SGCZ: variants seen among roughly 807,000 people sequenced by gnomAD.
SGCZ encodes the protein zeta-sarcoglycan.
A neutral mutation model predicts 41.3 loss-of-function variants in SGCZ; 40 were observed. The ratio of observed to expected loss-of-function variants is 0.97; its 90% CI spans 0.75 to 1.26. SGCZ has a LOEUF of 1.26. Among genes scored for constraint, SGCZ ranks in the 50% most tolerant of loss-of-function variants. SGCZ has a pLI of 0.00. For synonymous variants in SGCZ, 206 were observed against 137.5 expected (o/e 1.50, Z -3.49); for missense variants, 552 against 369.8 (o/e 1.49, Z -4.04).
At chr8:14,262,666 C>G (rs975693616) in intron 3 of SGCZ, among the ~76,000 whole-genome samples, 5 of 151,532 alleles carry the variant, frequency 3.3e-5, no homozygotes, top group African/African-American at 1.2e-4. Context: ...CTTTTATTGT[C>G]ATCGAGCTTT....
chr8:14,621,582 A>G (rs1373547641), intron 1 of SGCZ, among the ~76,000 whole-genome samples: 2 of 152,170 alleles, frequency 1.3e-5, no homozygotes, highest in African/African-American at 2.4e-5. Flanking sequence ...CATGACCGGA[A>G]CGCCTCAAGA....
At chr8:14,875,066 G>A (rs911714463) in intron 1 of SGCZ, among the ~76,000 whole-genome samples, 1 of 152,140 alleles carries the variant, frequency 6.6e-6, no homozygotes, top group African/African-American at 2.4e-5. Context: ...TGGAGACCAG[G>A]TTATTTATAA....
chr8:14,579,253 C>A (rs1804809437), intron 1 of SGCZ, among the ~76,000 whole-genome samples: 1 of 152,108 alleles, frequency 6.6e-6, no homozygotes, highest in Non-Finnish European at 1.5e-5. Context: ...GTTACTCTAT[C>A]AAGATACAAA....
chr8:14,170,554 C>G (rs1320160825), intron 4 of SGCZ, among the ~76,000 whole-genome samples: 2 of 152,084 alleles, frequency 1.3e-5, no homozygotes, highest in Non-Finnish European at 2.9e-5. Context: ...ATCTCTCTAT[C>G]CACTTCTATT....
chr8:14,991,725 C>T (rs895985311), intron 1 of SGCZ, among the ~76,000 whole-genome samples: 1 of 150,836 alleles, frequency 6.6e-6, no homozygotes, highest in East Asian at 2.0e-4. Flanking sequence ...ATTAGCGTTT[C>T]CCTTAATACT....
intron 1 of SGCZ, among the ~76,000 whole-genome samples, chr8:14,780,163 A>G (rs1237328485): frequency 1.3e-5 from 2 of 152,110 alleles, no homozygotes; most frequent in Non-Finnish European, 2.9e-5. Context: ...TCACGAGGTC[A>G]GGAGATCCAG....
At chr8:14,629,792 T>C (rs1806586704) in intron 1 of SGCZ, among the ~76,000 whole-genome samples, 1 of 152,114 alleles carries the variant, frequency 6.6e-6, no homozygotes, top group African/African-American at 2.4e-5. Context: ...ATGTTAACTA[T>C]TAATATGTAA....
chr8:15,215,894 C>A (rs1801383287), intron 1 of SGCZ, among the ~76,000 whole-genome samples: 1 of 152,152 alleles, frequency 6.6e-6, no homozygotes, highest in Non-Finnish European at 1.5e-5. Context: ...AAACTTTAAT[C>A]CGAAGACAGA....
rs555178996 is a variant in SGCZ, at chr8:14,553,748, C to A, written c.234+984G>T. Among the ~76,000 whole-genome samples, 13 of 152,152 alleles carry A rather than the reference C, an allele frequency of 8.5e-5. No individual in the cohort carries two copies. In the South Asian group the frequency reaches 2.5e-3, roughly 29 times the overall value. Reference sequence around the variant, plus strand: ...TGAAGTCAGAAAGAGACGATTCTTGCTAAACCAATACCCAGTGGGGTTTAA... The same window carrying A: ...TGAAGTCAGAAAGAGACGATTCTTGATAAACCAATACCCAGTGGGGTTTAA... On this transcript the variant is annotated intron_variant, in intron 2 of 7. Transcript: ENST00000382080.
At chr8:14,151,646 A>G (rs1278255624) in intron 5 of SGCZ, among the ~76,000 whole-genome samples, 1 of 152,098 alleles carries the variant, frequency 6.6e-6, no homozygotes, top group African/African-American at 2.4e-5. Flanking sequence ...CAAGCCCAAG[A>G]ATAACAATAA....
intron 5 of SGCZ, among the ~76,000 whole-genome samples, chr8:14,117,463 A>AC (rs1802560029): frequency 1.4e-5 from 2 of 143,358 alleles, no homozygotes; most frequent in African/African-American, 5.2e-5. Flanking sequence ...ATAGCATCTC[A>AC]CTGGGGAGTA....
intron 1 of SGCZ, among the ~76,000 whole-genome samples, chr8:14,627,594 T>A (rs1223524227): frequency 6.6e-6 from 1 of 152,164 alleles, no homozygotes; most frequent in Non-Finnish European, 1.5e-5. Flanking sequence ...AAATAATTTT[T>A]AGCAATATAT....
intron 1 of SGCZ, among the ~76,000 whole-genome samples, chr8:14,593,724 T>C (rs1357856680): frequency 1.3e-5 from 2 of 152,142 alleles, no homozygotes; most frequent in Admixed American, 1.3e-4. Context: ...CATTAGAACA[T>C]ATTACATATT....
chr8:15,109,992 T>C (rs1375341727), intron 1 of SGCZ, among the ~76,000 whole-genome samples: 1 of 152,190 alleles, frequency 6.6e-6, no homozygotes, highest in Non-Finnish European at 1.5e-5. Flanking sequence ...AAATAAAGGA[T>C]TGCATGTGGC....
chr8:15,007,543 C>T (rs1802650632), intron 1 of SGCZ, among the ~76,000 whole-genome samples: 1 of 152,156 alleles, frequency 6.6e-6, no homozygotes, highest in South Asian at 2.1e-4. Context: ...GACAGCGTAA[C>T]TCAAGGCATA....
intron 1 of SGCZ, among the ~76,000 whole-genome samples, chr8:14,712,959 T>C (rs1411880143): frequency 6.6e-6 from 1 of 151,972 alleles, no homozygotes; most frequent in Non-Finnish European, 1.5e-5. Context: ...ACACAAAACA[T>C]GTTCTCCTCA....
chr8:14,252,370 T>C (rs1396444362), intron 3 of SGCZ, among the ~76,000 whole-genome samples: 1 of 152,146 alleles, frequency 6.6e-6, no homozygotes, highest in Non-Finnish European at 1.5e-5. Context: ...TTTTATTCCA[T>C]TGTTCATTTC....
intron 2 of SGCZ, among the ~76,000 whole-genome samples, chr8:14,449,038 G>C (rs1174282337): frequency 6.6e-6 from 1 of 152,092 alleles, no homozygotes; most frequent in East Asian, 1.9e-4. Flanking sequence ...GAAGTGAAAG[G>C]ACTTATGCTC....
chr8:14,119,028 T>C (rs2117030464), intron 5 of SGCZ, among the ~76,000 whole-genome samples: 1 of 152,328 alleles, frequency 6.6e-6, no homozygotes, highest in South Asian at 2.1e-4. Context: ...TTACTTAGGA[T>C]TGTCTTGGCT....
Sources: gnomAD v4.1 joint callset for allele counts (sites outside exome capture counted in the v4.1 genomes callset) on GRCh38, gnomAD v4.1.1 for gene constraint, MANE v1.5 for transcripts, NCBI Gene and HGNC (gene_info 2026-07-23, HGNC 2026-07-21) for gene names.